The following RPTOR variants were observed in gnomAD, a reference collection of about 807,000 sequenced individuals.
RPTOR encodes regulatory-associated protein of mTOR.
A neutral mutation model predicts 169.9 loss-of-function variants in RPTOR; 21 were observed. That is an observed-to-expected ratio of 0.12 (90% CI 0.09 to 0.18). RPTOR has a LOEUF of 0.18. Among genes scored for constraint, RPTOR ranks in the 10% least tolerant of loss-of-function variants. The pLI, the probability that RPTOR is intolerant of heterozygous loss-of-function variation, is 1.00. For synonymous variants in RPTOR, 732 were observed against 753.2 expected, an observed-to-expected ratio of 0.97 and a Z score of 0.46; for missense variants, 1,133 against 1,855.9, an observed-to-expected ratio of 0.61 and a Z score of 7.16.
intron 3 of RPTOR, among the ~76,000 whole-genome samples, chr17:80,680,042 C>T (rs916510816): frequency 3.4e-4 from 43 of 127,230 alleles, no homozygotes; most frequent in African/African-American, 1.5e-3. Context: ...CTCCAGTTCT[C>T]GGTCAGGGCC....
At chr17:80,822,001 G>T (rs1414882951) in intron 7 of RPTOR, among the ~76,000 whole-genome samples, 200 bp from the exon 8 acceptor site, 1 of 152,228 alleles carries the variant, frequency 6.6e-6, no homozygotes, top group Non-Finnish European at 1.5e-5. Flanking sequence ...AAGGAGGAAA[G>T]CTGCAGATGG....
At chr17:80,852,455 T>C (rs2067803585) in intron 11 of RPTOR, among the ~76,000 whole-genome samples, 1 of 152,080 alleles carries the variant, frequency 6.6e-6, no homozygotes, top group African/African-American at 2.4e-5. Context: ...TCACATATCC[T>C]GCGAGCAGTC....
At chr17:80,862,335 C>T (rs904209276) in intron 13 of RPTOR, among the ~76,000 whole-genome samples, 10 of 152,120 alleles carry the variant, frequency 6.6e-5, no homozygotes, top group African/African-American at 2.4e-4. Flanking sequence ...CTGCCTCGCC[C>T]TTCCTTCCAT....
chr17:80,814,145 A>T (rs963214462), intron 7 of RPTOR, among the ~76,000 whole-genome samples: 8 of 151,864 alleles, frequency 5.3e-5, no homozygotes, highest in East Asian at 3.9e-4. Context: ...TCTCAAAAAA[A>T]TTTTTTTTTC....
At position 80,633,934 on chromosome 17, in the gene RPTOR, G is replaced by A. The variant is rs1456740148; in HGVS notation, c.265+8141G>A. Among the ~76,000 whole-genome samples the A allele has an allele frequency of 6.6e-6, 1 of 152,164 alleles. No homozygotes were observed. The highest frequency in any genetic ancestry group is 1.5e-5 in the Non-Finnish European group (1 of 68,034). ...TTTGTCTCATCTAGTCTTTTTCCCAGCCTCATTCCTCTTAGTGGAATGTGG... is the reference window on the plus strand; with the variant it reads ...TTTGTCTCATCTAGTCTTTTTCCCAACCTCATTCCTCTTAGTGGAATGTGG... On this transcript the variant is annotated intron_variant, in intron 2 of 33. Coordinates refer to ENST00000306801, the MANE Select transcript of RPTOR (RefSeq NM_020761.3). This position sits in a 1 kb window ranked among gnomAD's most constrained non-coding sequence, Gnocchi z 4.1.
chr17:80,819,254 A>G (rs1216595853), intron 7 of RPTOR, among the ~76,000 whole-genome samples: 1 of 152,218 alleles, frequency 6.6e-6, no homozygotes, highest in Non-Finnish European at 1.5e-5. Flanking sequence ...CACTCATTGC[A>G]GTAAATGTTG....
intron 21 of RPTOR, among the ~76,000 whole-genome samples, chr17:80,916,562 G>T (rs867874989): frequency 6.6e-6 from 1 of 152,244 alleles, no homozygotes; most frequent in African/African-American, 2.4e-5. Flanking sequence ...GGCTGAATGG[G>T]CATAACAAGC....
At chr17:80,841,947 ACACT>A (rs1398170269) in intron 10 of RPTOR, among the ~76,000 whole-genome samples, 9 of 139,012 alleles carry the variant, frequency 6.5e-5, no homozygotes, top group Non-Finnish European at 3.1e-5. Flanking sequence ...ACGGCAGCTC[ACACT>A]CACCGCACGG....
intron 1 of RPTOR, among the ~76,000 whole-genome samples, chr17:80,554,548 C>A (rs1447067811): frequency 1.3e-5 from 2 of 152,052 alleles, no homozygotes; most frequent in African/African-American, 4.8e-5. Flanking sequence ...TCAAGACCAT[C>A]CTGGCTAACA....
At chr17:80,652,210 A>G (rs2065646419) in intron 3 of RPTOR, among the ~76,000 whole-genome samples, 1 of 152,162 alleles carries the variant, frequency 6.6e-6, no homozygotes, top group Non-Finnish European at 1.5e-5. Flanking sequence ...TTGGCTTTTA[A>G]CATCTTTGCA....
chr17:80,641,236 A>C (rs1000777514), intron 2 of RPTOR, among the ~76,000 whole-genome samples: 1 of 152,236 alleles, frequency 6.6e-6, no homozygotes, highest in Admixed American at 6.5e-5. Context: ...GTCACAGATT[A>C]CGGATTATAA....
At chr17:80,683,935 C>G (rs915928137) in intron 3 of RPTOR, among the ~76,000 whole-genome samples, 1 of 152,226 alleles carries the variant, frequency 6.6e-6, no homozygotes. Context: ...AAGATGTCGG[C>G]TCCTGGCATT....
chr17:80,669,216 A>G (rs915426652), intron 3 of RPTOR, among the ~76,000 whole-genome samples: 2 of 152,306 alleles, frequency 1.3e-5, no homozygotes, highest in African/African-American at 4.8e-5. Flanking sequence ...TGCACAGGCC[A>G]CTGGTCCTGG....
chr17:80,678,964 G>A (rs1265733886), intron 3 of RPTOR, among the ~76,000 whole-genome samples: 1 of 152,254 alleles, frequency 6.6e-6, no homozygotes, highest in Non-Finnish European at 1.5e-5. Flanking sequence ...TATTCCAACA[G>A]TGGCTTCGTT....
intron 7 of RPTOR, among the ~76,000 whole-genome samples, chr17:80,818,212 C>T (rs752933248): frequency 1.2e-4 from 19 of 152,228 alleles, no homozygotes; most frequent in Non-Finnish European, 2.4e-4. Flanking sequence ...AGCCATAGCA[C>T]GGCTGGGACC....
intron 3 of RPTOR, among the ~76,000 whole-genome samples, chr17:80,656,132 G>A (rs558538017): frequency 1.3e-3 from 199 of 152,234 alleles, no homozygotes; most frequent in African/African-American, 4.0e-3. Context: ...GTGCAGTAGC[G>A]CAATCTCGGC....
In RPTOR at chr17:80,609,895, A is replaced by T. The variant is rs1338523267; in HGVS notation, c.163-15796A>T. On this transcript the variant is annotated intron_variant, in intron 1 of 33. Coordinates refer to ENST00000306801, the MANE Select transcript of RPTOR (RefSeq NM_020761.3). This position sits in a 1 kb window ranked among gnomAD's most constrained non-coding sequence, Gnocchi z 4.8. ...GGTAGCTTACAACTGACATTTAGCCAATTGAAAAGTGTAGGCCAGGGTGTA... is the reference window on the plus strand; with the variant it reads ...GGTAGCTTACAACTGACATTTAGCCTATTGAAAAGTGTAGGCCAGGGTGTA... Among the ~76,000 whole-genome samples the T allele has an allele frequency of 1.3e-5, 2 of 152,096 alleles. No homozygotes were observed. The highest frequency in any genetic ancestry group is 2.9e-5 in the Non-Finnish European group (2 of 68,020).
In RPTOR at chr17:80,932,555, T is replaced by C. The variant is rs538459833; in HGVS notation, c.2919+7075T>C. Among the ~76,000 whole-genome samples, 9 of 151,218 alleles carry C rather than the reference T, an allele frequency of 6.0e-5. No individual in the cohort carries two copies. The South Asian group carries it at 6.3e-4, about 11-fold the overall frequency. ...ACAGATGAGGGATTTCAGCAGAGAG[T>C]TGGACACTAAGAAAGAGTCAAGTGA... On this transcript the variant is annotated intron_variant, in intron 24 of 33. Coordinates refer to ENST00000306801, the MANE Select transcript of RPTOR (RefSeq NM_020761.3).
intron 14 of RPTOR, among the ~76,000 whole-genome samples, chr17:80,882,874 G>A (rs986651943): frequency 5.3e-5 from 8 of 152,232 alleles, no homozygotes; most frequent in African/African-American, 1.7e-4. Flanking sequence ...ACTAGACCGC[G>A]CGACGTGTGT....
Sources: gnomAD v4.1 joint callset for allele counts (sites outside exome capture counted in the v4.1 genomes callset) on GRCh38, gnomAD v4.1.1 for gene constraint, Gnocchi (gnomAD v3.1) non-coding constraint, MANE v1.5 for transcripts, NCBI Gene and HGNC (gene_info 2026-07-23, HGNC 2026-07-21) for gene names.